SLAIN2: variants seen among roughly 807,000 people sequenced by gnomAD.
The protein encoded by SLAIN2 is SLAIN motif-containing protein 2.
SLAIN2 carries 31 observed loss-of-function variants against 56.6 expected under a neutral mutation model. That is an observed-to-expected ratio of 0.55 (90% CI 0.41 to 0.74). The LOEUF (loss-of-function observed/expected upper bound fraction) is 0.74, where lower values mean the gene tolerates loss of function less well. SLAIN2 is among the 30% of genes least tolerant of loss of function. The pLI is 0.00. For missense variants in SLAIN2, 777 were observed against 754.2 expected (o/e 1.03, Z -0.35); for synonymous variants, 317 against 284.9 (o/e 1.11, Z -1.13).
At chr4:48,393,386 TTGTGTGTGTGTGTGTGTGTGTGTG>T (rs57142552) in intron 6 of SLAIN2, among the ~76,000 whole-genome samples, 1 of 135,348 alleles carries the variant, frequency 7.4e-6, no homozygotes, top group South Asian at 2.6e-4. Flanking sequence ...CATGTCTGGC[TTGTGTGTGTGTGTGTGTGTGTGTG>T]TGTGTGTGTG....
rs754713967 is a variant in SLAIN2, at chr4:48,420,313, A to G, written c.1549A>G (p.Asn517Asp). 6 of 1,613,846 alleles carry G rather than the reference A, an allele frequency of 3.7e-6. 1 individual carries two copies. The South Asian group carries it at 5.5e-5, about 15-fold the overall frequency. ...CACAGTCTCAGCAAATCCTCCCAGC[A>G]ATATCAACAGCGCTACTCTAACCAG... ...QSTVSANPPS[N>D]INSATLTRPA... Residue 517 changes from asparagine to aspartate, a missense_variant, in exon 7 of 8, where the codon AAT becomes GAT. Physicochemically the swap from Asn to Asp is conservative, Grantham distance 23. Coordinates refer to ENST00000264313, the MANE Select transcript of SLAIN2 (RefSeq NM_020846.2).
intron 6 of SLAIN2, among the ~76,000 whole-genome samples, chr4:48,385,628 C>CTTTTTTTTTTTTTTTTTT (rs975576079): frequency 8.2e-6 from 1 of 121,984 alleles, no homozygotes. Context: ...TCATTTTCAT[C>CTTTTTTTTTTTTTTTTTT]TTTTTTTTTC....
intron 1 of SLAIN2, among the ~76,000 whole-genome samples, chr4:48,360,601 T>C (rs1054309957): frequency 6.6e-6 from 1 of 151,778 alleles, no homozygotes; most frequent in African/African-American, 2.4e-5. Flanking sequence ...CCAAAAAAAA[T>C]TAAAAAAAAC....
chr4:48,409,414 C>T (rs1165680026), intron 6 of SLAIN2, among the ~76,000 whole-genome samples: 1 of 152,170 alleles, frequency 6.6e-6, no homozygotes, highest in Non-Finnish European at 1.5e-5. Flanking sequence ...TGTTCCTACA[C>T]GGACAAACTT....
Position 48,342,000 on chromosome 4 carries a change from T to C in SLAIN2, c.261T>C (p.Ser87=). ...CCGGGTCGGGCCCGAGGCGGACGAG[T>C]AGCGAAGAGCTGCGGGACGCCACCT... ...GGPGSGPRRT[S]SEELRDATSL... Residue 87 remains serine (S), a synonymous_variant, in exon 1 of 8, where the codon AGT becomes AGC. Transcript: ENST00000264313. The C allele has an allele frequency of 7.0e-7, 1 of 1,423,730 alleles. No homozygotes were observed. The highest frequency in any genetic ancestry group is 9.1e-7 in the Non-Finnish European group (1 of 1,093,626). 88.2% of individuals were successfully genotyped at this position (1,423,730 alleles called of 1,614,324 possible).
At chr4:48,389,512 G>A (rs1044349775) in intron 6 of SLAIN2, among the ~76,000 whole-genome samples, 5 of 152,144 alleles carry the variant, frequency 3.3e-5, no homozygotes, top group African/African-American at 1.2e-4. Flanking sequence ...GACAGCCCAC[G>A]CCTTCCAGTA....
Position 48,420,186 on chromosome 4 carries a change from A to C in SLAIN2, c.1422A>C (p.Pro474=). The C allele has an allele frequency of 6.2e-7, 1 of 1,613,962 alleles. No homozygotes were observed. Among genetic ancestry groups the C allele is most frequent in the Non-Finnish European group, 8.5e-7 (1 of 1,179,876 alleles). The change falls in exon 7 of 8, where the codon CCA becomes CCC. Residue 474 remains proline, a synonymous_variant. Transcript: ENST00000264313. ...CATCTCCTTTGGCTCTTCGGCAACC[A>C]GTGAAAGCATTTAGTAACCATGGCT... ...AAPSPLALRQ[P]VKAFSNHGSG... is the part of the protein sequence containing the mutation.
At chr4:48,363,928 C>T (rs1383458155) in intron 1 of SLAIN2, among the ~76,000 whole-genome samples, 3 of 118,480 alleles carry the variant, frequency 2.5e-5, no homozygotes, top group Non-Finnish European at 3.8e-5. Flanking sequence ...GGGGGGCTGA[C>T]CCCCCCACCT....
intron 6 of SLAIN2, among the ~76,000 whole-genome samples, chr4:48,388,646 T>C (rs1044189889): frequency 6.6e-6 from 1 of 152,188 alleles, no homozygotes; most frequent in African/African-American, 2.4e-5. Context: ...GCCAGATTTC[T>C]CCCTCTTCCC....
intron 1 of SLAIN2, among the ~76,000 whole-genome samples, chr4:48,359,659 C>A (rs1374241495): frequency 6.6e-6 from 1 of 152,060 alleles, no homozygotes; most frequent in Non-Finnish European, 1.5e-5. Flanking sequence ...ATTATCATTT[C>A]TTATATTTGT....
intron 1 of SLAIN2, among the ~76,000 whole-genome samples, chr4:48,360,770 T>C (rs1715305615): frequency 6.6e-6 from 1 of 152,132 alleles, no homozygotes; most frequent in Non-Finnish European, 1.5e-5. Context: ...TCCCATTCCT[T>C]CTCTCCACCC....
At position 48,375,369 on chromosome 4, in the gene SLAIN2, C is replaced by G. The variant is rs1314455167; in HGVS notation, c.539-2527C>G. Among the ~76,000 whole-genome samples the G allele has an allele frequency of 2.0e-5, 3 of 152,166 alleles. No individual in the cohort carries two copies. In the East Asian group the frequency reaches 5.8e-4, roughly 29 times the overall value. ...TGGTCCAAATTACTGCACTGTCTAACTAAACAGAAAACATATGTTCCTCCT... is the reference window on the plus strand; with the variant it reads ...TGGTCCAAATTACTGCACTGTCTAAGTAAACAGAAAACATATGTTCCTCCT... On this transcript the variant is annotated intron_variant, in intron 2 of 7. Coordinates refer to ENST00000264313, the MANE Select transcript of SLAIN2 (RefSeq NM_020846.2).
intron 1 of SLAIN2, among the ~76,000 whole-genome samples, chr4:48,357,119 A>G (rs910314064): frequency 6.6e-6 from 1 of 150,670 alleles, no homozygotes; most frequent in African/African-American, 2.4e-5. Context: ...AACATATTAT[A>G]TATATATTTA....
chr4:48,370,231 A>G (rs901129323), intron 2 of SLAIN2, among the ~76,000 whole-genome samples: 23 of 152,250 alleles, frequency 1.5e-4, no homozygotes, highest in Admixed American at 7.2e-4. Context: ...AATAATATCC[A>G]TGAAATAATG....
At chr4:48,348,540 A>G (rs1714928683) in intron 1 of SLAIN2, among the ~76,000 whole-genome samples, 1 of 152,040 alleles carries the variant, frequency 6.6e-6, no homozygotes, top group Admixed American at 6.5e-5. Flanking sequence ...ATACAAAAAT[A>G]TTAGCTGGGC....
intron 7 of SLAIN2, 24 bp downstream of exon 7, chr4:48,420,467 A>C: frequency 6.2e-7 from 1 of 1,609,990 alleles, no homozygotes; most frequent in Non-Finnish European, 8.5e-7. Flanking sequence ...GTTCTGTTTC[A>C]GCATTCTTGA....
At chr4:48,375,845 A>G (rs75395618) in intron 2 of SLAIN2, among the ~76,000 whole-genome samples, 4,652 of 152,320 alleles carry the variant, frequency 0.031, 77 homozygotes, top group Admixed American at 0.047. Context: ...AATACTGAGT[A>G]AAGCACATAC....
At position 48,377,911 on chromosome 4, in the gene SLAIN2, A is replaced by G. The variant is rs1407542094; in HGVS notation, c.554A>G (p.Asn185Ser). The G allele has an allele frequency of 6.2e-7, 1 of 1,613,496 alleles. No homozygotes were observed. The highest frequency in any genetic ancestry group is 1.1e-5 in the South Asian group (1 of 90,956). The change falls in exon 3 of 8, where the codon AAT becomes AGT. Residue 185 changes from asparagine (N) to serine (S), a missense_variant. By Grantham distance (46) the Asn-to-Ser change is conservative. Coordinates refer to ENST00000264313, the MANE Select transcript of SLAIN2 (RefSeq NM_020846.2). ...ATTAATGCAGCTCTCAAGAGGCAGA[A>G]TTTATATAATAATCCTTTCAACTCT... is the stretch of plus-strand genomic sequence containing the variant. ...DQTMSALKRQ[N>S]LYNNPFNSMS...
At position 48,359,304 on chromosome 4, in the gene SLAIN2, G is replaced by C. The variant is rs430405; in HGVS notation, c.390-10545G>C. Among the ~76,000 whole-genome samples, 373 of 152,236 alleles carry C rather than the reference G, an allele frequency of 2.5e-3. 2 individuals carry two copies. The highest frequency in any genetic ancestry group is 2.7e-3 in the Non-Finnish European group (186 of 68,008). ...ATAGGTAGAGGGGGATGATTTAGGG[G>C]TAGTAAAAGTCTGATTATTTTCCTC... On this transcript the variant is annotated intron_variant, in intron 1 of 7. Coordinates refer to ENST00000264313, the MANE Select transcript of SLAIN2 (RefSeq NM_020846.2).
Sources: gnomAD v4.1 joint callset for allele counts (sites outside exome capture counted in the v4.1 genomes callset) on GRCh38, gnomAD v4.1.1 for gene constraint, MANE v1.5 for transcripts, NCBI Gene and HGNC (gene_info 2026-07-23, HGNC 2026-07-21) for gene names.